The following RNF213 variants were observed in gnomAD, a reference collection of about 807,000 sequenced individuals.
The protein encoded by RNF213 is ring finger protein 213, also known as E3 ubiquitin-protein ligase RNF213.
In RNF213, 341 loss-of-function variants were observed where a neutral mutation model predicts 514.4. The observed-to-expected ratio is 0.66, with a 90% CI of 0.61 to 0.73. The LOEUF is 0.73. RNF213 is among the 30% of genes least tolerant of loss of function. RNF213 has a pLI of 0.00. For synonymous variants in RNF213, 2,655 were observed against 2,658.2 expected, an observed-to-expected ratio of 1.00 and a Z score of 0.04; for missense variants, 5,767 against 6,615.6, an observed-to-expected ratio of 0.87 and a Z score of 4.45.
rs1480682452 is a variant in RNF213, at chr17:80,363,780, A to G, written c.11740A>G (p.Arg3914Gly). Residue 3914 changes from arginine to glycine, a missense_variant, in exon 41 of 68, where the codon AGG (arginine) becomes GGG (glycine). Arg to Gly is a moderately radical substitution (Grantham distance 125). Coordinates refer to ENST00000582970, the MANE Select transcript of RNF213 (RefSeq NM_001256071.3). Reference sequence around the variant, plus strand: ...CGGGAGCCTGGCCCAGGCTGTCATCAGGGAAGTCAGGTGAGACCCAGGAGC... The same window carrying G: ...CGGGAGCCTGGCCCAGGCTGTCATCGGGGAAGTCAGGTGAGACCCAGGAGC... The part of the protein sequence containing the change: ...GSGSLAQAVI[R>G]EVRAQWSRIF... 9 of 1,613,064 alleles carry G rather than the reference A, an allele frequency of 5.6e-6. No individual in the cohort carries two copies. Among genetic ancestry groups the G allele is most frequent in the Non-Finnish European group, 7.6e-6 (9 of 1,179,978 alleles).
In RNF213 at chr17:80,386,689, G is replaced by C; in HGVS notation, c.14721-1G>C. ...CTGAGCGCTGTCTTTCTGCCCCTCAGCTATTCCGTGGATGCCGCCGAGGTC... is the reference window on the plus strand; with the variant it reads ...CTGAGCGCTGTCTTTCTGCCCCTCACCTATTCCGTGGATGCCGCCGAGGTC... On this transcript the variant is annotated splice_acceptor_variant, in intron 62 of 67. Transcript: ENST00000582970. LOFTEE classifies it high-confidence loss of function. 1 of 1,614,204 alleles carries C rather than the reference G, an allele frequency of 6.2e-7. No homozygotes were observed. Among genetic ancestry groups the C allele is most frequent in the Non-Finnish European group, 8.5e-7 (1 of 1,180,036 alleles).
Position 80,354,648 on chromosome 17 carries a change from T to G in RNF213, c.10862+72T>G. On this transcript the variant is annotated intron_variant, in intron 36 of 67. Transcript: ENST00000582970. ...CATGGGGACCTGCCTGCAGGGATCCTCTCTCCATCCGGGCCATGGGGACTG... is the reference window on the plus strand; with the variant it reads ...CATGGGGACCTGCCTGCAGGGATCCGCTCTCCATCCGGGCCATGGGGACTG... 1.9e-6 allele frequency: 3 copies of G among 1,573,058 alleles called. No homozygotes were observed. The South Asian group carries it at 3.3e-5, about 17-fold the overall frequency.
Position 80,288,265 on chromosome 17 carries a change from G to T in RNF213, c.712G>T (p.Ala238Ser). The change falls in exon 4 of 68, where the codon GCC becomes TCC. Residue 238 changes from alanine (A) to serine (S), a missense_variant. By Grantham distance (99) the Ala-to-Ser change is moderately conservative. Around this residue, in one of 13 missense-constraint regions of RNF213, gnomAD observed 509 missense variants for 496.7 expected, o/e 1.02. Transcript: ENST00000582970. This position sits in a 1 kb window ranked among gnomAD's most constrained non-coding sequence, Gnocchi z 4.9. Reference protein sequence around the residue: ...GEGHSRTEDAAQELLLPESKG... With the variant: ...GEGHSRTEDASQELLLPESKG... ...AGGCCATTCTAGGACTGAAGATGCT[G>T]CCCAGGAGCTCCTGTTGCCTGAGTC... The T allele has an allele frequency of 6.2e-7, 1 of 1,613,240 alleles. No individual in the cohort carries two copies.
At chr17:80,261,207 T>C (rs1221862444) in intron 1 of RNF213, among the ~76,000 whole-genome samples, 2 of 152,040 alleles carry the variant, frequency 1.3e-5, no homozygotes, top group African/African-American at 4.8e-5. Context: ...GCCCCGGCAG[T>C]GCTGCCCCCG....
chr17:80,374,215 C>T (rs2079647557), intron 49 of RNF213, among the ~76,000 whole-genome samples: 1 of 152,228 alleles, frequency 6.6e-6, no homozygotes, highest in Non-Finnish European at 1.5e-5. Context: ...AGGAAGCAAG[C>T]ACCTCCCCAG....
rs893493104 is a variant in RNF213 at position 80,332,145 on chromosome 17, A to G, written c.3657A>G (p.Glu1219=). ...ACCACCTGAGCTCCCAGGTCCAAGA[A>G]ATGGCTGGGAAGATAGACTTGCTCA... The part of the protein sequence containing the change: ...THYHLSSQVQ[E]MAGKIDLLRD... The change falls in exon 21 of 68, where the codon GAA becomes GAG. Residue 1219 remains glutamate, a synonymous_variant. Coordinates refer to ENST00000582970, the MANE Select transcript of RNF213 (RefSeq NM_001256071.3). 2.0e-6 allele frequency: 3 copies of G among 1,537,092 alleles called. No homozygotes were observed. The highest frequency in any genetic ancestry group is 1.4e-5 in the African/African-American group (1 of 73,042).
Position 80,343,074 on chromosome 17 carries a change from C to T in RNF213, c.5990-58C>T, listed in dbSNP as rs559874824. 5.0e-5 allele frequency: 72 copies of T among 1,449,448 alleles called. 1 individual carries two copies. Among genetic ancestry groups the T allele is most frequent in the African/African-American group, 1.5e-4 (11 of 71,606 alleles). 89.8% of individuals were successfully genotyped at this position (1,449,448 alleles called of 1,614,324 possible). ...CCCCCCGCCTCGGCCTCCCAAAGTG[C>T]TAGGATTACAGGTGTGAGCCACCAC... On this transcript the variant is annotated intron_variant, in intron 26 of 67. Coordinates refer to ENST00000582970, the MANE Select transcript of RNF213 (RefSeq NM_001256071.3). The surrounding 1 kb of genome is among the most constrained non-coding windows in gnomAD (Gnocchi z 4.3).
intron 18 of RNF213, among the ~76,000 whole-genome samples, chr17:80,326,044 T>C (rs768902767): frequency 4.4e-4 from 67 of 152,192 alleles, no homozygotes; most frequent in Non-Finnish European, 8.4e-4. Flanking sequence ...CTGCAACCTC[T>C]GCCTCCCGGG....
intron 36 of RNF213, 70 bp downstream of exon 36, chr17:80,354,646 C>A: frequency 6.3e-7 from 1 of 1,574,906 alleles, no homozygotes; most frequent in Non-Finnish European, 8.7e-7. Context: ...CTGCAGGGAT[C>A]CTCTCTCCAT....
chr17:80,340,501 CT>C, intron 26 of RNF213, 145 bp downstream of exon 26: 2 of 785,384 alleles, frequency 2.5e-6, no homozygotes, highest in Non-Finnish European at 4.0e-6. Context: ...CAATCAGGGT[CT>C]GTGCCAGAAC....
At chr17:80,354,305 A>T in intron 35 of RNF213, 136 bp from the exon 36 acceptor site, 3 of 1,512,158 alleles carry the variant, frequency 2.0e-6, no homozygotes, top group Non-Finnish European at 1.8e-6. Context: ...TGGGAATCTA[A>T]GAGCATCTCT....
rs768906078 is a variant in RNF213 at position 80,369,650 on chromosome 17, C to T, written c.12304C>T (p.Arg4102Cys). 1.1e-5 allele frequency: 17 copies of T among 1,614,220 alleles called. No individual in the cohort carries two copies. The highest frequency in any genetic ancestry group is 5.0e-5 in the Admixed American group (3 of 60,028). The change falls in exon 45 of 68, where the codon CGC becomes TGC. Residue 4102 changes from arginine (R) to cysteine (C), a missense_variant. By Grantham distance (180) the Arg-to-Cys change is radical. Around this residue, in one of 13 missense-constraint regions of RNF213, gnomAD observed 93 missense variants for 95.6 expected, o/e 0.97. Transcript: ENST00000582970. ...LLSLLFVQKG[R>C]LRDAAQRHCE... ...CTCTCTCCTCTTCGTCCAAAAGGGG[C>T]GCTTAAGAGATGCTGCCCAGAGTAG... is the stretch of plus-strand genomic sequence containing the variant.
Position 80,347,111 on chromosome 17 carries a change from G to C in RNF213, c.8776G>C (p.Asp2926His). The C allele has an allele frequency of 6.2e-7, 1 of 1,614,072 alleles. No homozygotes were observed. The highest frequency in any genetic ancestry group is 8.5e-7 in the Non-Finnish European group (1 of 1,180,022). ...CTGCTCCTCAGACATCCTCGTCCAG[G>C]ACCGAGTCCAAGGGTACTTTGCGTC... ...GICSSDILVQ[D>H]RVQGYFASFA... The change falls in exon 29 of 68, where the codon GAC (aspartate) becomes CAC (histidine). Residue 2926 changes from aspartate (D) to histidine (H), a missense_variant. Coordinates refer to ENST00000582970, the MANE Select transcript of RNF213 (RefSeq NM_001256071.3). The surrounding 1 kb of genome is among the most constrained non-coding windows in gnomAD (Gnocchi z 7.2).
At chr17:80,390,464 T>C (rs980612299) in intron 67 of RNF213, among the ~76,000 whole-genome samples, 5 of 147,536 alleles carry the variant, frequency 3.4e-5, no homozygotes, top group Non-Finnish European at 7.7e-5. Context: ...CACTGCAACC[T>C]TGGCTCACTG....
chr17:80,327,739 C>G (rs928500559), intron 18 of RNF213, 77 bp from the exon 19 acceptor site: 8 of 1,293,346 alleles, frequency 6.2e-6, no homozygotes, highest in Admixed American at 2.3e-5. Flanking sequence ...AAGAGGTTAT[C>G]TGGAATTCCC....
chr17:80,356,202 A>T (rs143618176), intron 36 of RNF213, among the ~76,000 whole-genome samples: 4,245 of 152,220 alleles, frequency 0.028, 212 homozygotes, highest in African/African-American at 0.097. Context: ...AGATTTCACC[A>T]TGTTGGCCAG....
intron 17 of RNF213, among the ~76,000 whole-genome samples, chr17:80,324,680 A>G (rs1383599338): frequency 6.6e-6 from 1 of 152,174 alleles, no homozygotes; most frequent in Non-Finnish European, 1.5e-5. Context: ...CATAAAATAT[A>G]TGCTATATTA....
rs770436228 is a variant in RNF213, at chr17:80,397,691, G to A, written c.*4193G>A. 3 of 151,812 alleles carry A rather than the reference G, an allele frequency of 2.0e-5. No individual in the cohort carries two copies. Among genetic ancestry groups the A allele is most frequent in the Non-Finnish European group, 4.4e-5 (3 of 68,006 alleles). The allele number at this position is 151,812 out of a possible 1,614,324, so 9.4% of individuals were successfully genotyped here. A position where few individuals can be genotyped will look rare whatever the true frequency, so the allele number is the denominator to read the frequency against. On this transcript the variant is annotated 3_prime_UTR_variant, in exon 68 of 68. Transcript: ENST00000582970. ...TGCTCACTCGGGGAGCTCAGTTGTT[G>A]GAGACATGAGTCTTGCCGAAGCGCC...
At chr17:80,323,859 A>G (rs1454310838) in intron 17 of RNF213, among the ~76,000 whole-genome samples, 1 of 148,704 alleles carries the variant, frequency 6.7e-6, no homozygotes, top group Non-Finnish European at 1.5e-5. Context: ...TTGTAATTGG[A>G]ATTGTTTTCT....
Sources: allele counts gnomAD v4.1 joint callset (sites outside exome capture counted in the v4.1 genomes callset), GRCh38; gene constraint gnomAD v4.1.1; regional missense constraint gnomAD v4.1.1; non-coding constraint Gnocchi (gnomAD v3.1); transcripts MANE v1.5; gene names NCBI Gene and HGNC (gene_info 2026-07-23, HGNC 2026-07-21).